The following ADAMTSL2 variants were observed in gnomAD, a reference collection of about 807,000 sequenced individuals.
ADAMTSL2 encodes ADAMTS like 2, also known as ADAMTS-like protein 2.
In ADAMTSL2, 55 loss-of-function variants were observed where a neutral mutation model predicts 117.0. The observed-to-expected ratio is 0.47, with a 90% CI of 0.38 to 0.59. The LOEUF (loss-of-function observed/expected upper bound fraction) is 0.59, where lower values mean the gene tolerates loss of function less well. Ranked by LOEUF, ADAMTSL2 falls within the 20% of genes least tolerant of loss-of-function variation. ADAMTSL2 has a pLI of 0.00. For synonymous variants in ADAMTSL2, 572 were observed against 566.4 expected, an observed-to-expected ratio of 1.01 and a Z score of -0.14; for missense variants, 1,182 against 1,354.5, an observed-to-expected ratio of 0.87 and a Z score of 2.00.
At chr9:133,565,127 G>C (rs1830935762) in intron 12 of ADAMTSL2, among the ~76,000 whole-genome samples, 1 of 152,136 alleles carries the variant, frequency 6.6e-6, no homozygotes, top group African/African-American at 2.4e-5. Context: ...GCGGCCCCCA[G>C]GCTTCATCCT....
At chr9:133,547,279 C>T in intron 9 of ADAMTSL2, 66 bp downstream of exon 9, 1 of 1,523,788 alleles carries the variant, frequency 6.6e-7, no homozygotes, top group East Asian at 2.3e-5. Flanking sequence ...AATCCAGCCA[C>T]AGGTGAGGTC....
chr9:133,553,331 T>C (rs1298289397), intron 9 of ADAMTSL2, among the ~76,000 whole-genome samples: 2 of 152,074 alleles, frequency 1.3e-5, no homozygotes, highest in Non-Finnish European at 2.9e-5. Context: ...CGCTCTCTGC[T>C]CCTTGGAGGT....
intron 12 of ADAMTSL2, among the ~76,000 whole-genome samples, chr9:133,565,751 C>A (rs1830955985): frequency 6.6e-6 from 1 of 152,134 alleles, no homozygotes; most frequent in Admixed American, 6.5e-5. Context: ...TATGGGGAAA[C>A]CGATTTCCTT....
intron 12 of ADAMTSL2, 66 bp downstream of exon 12, chr9:133,561,361 G>A: frequency 7.0e-7 from 1 of 1,433,966 alleles, no homozygotes; most frequent in Non-Finnish European, 9.6e-7. Flanking sequence ...ATGGGCTGGG[G>A]CTGTGGGGCC....
chr9:133,554,408 C>T lies in ADAMTSL2; in HGVS notation c.991C>T (p.Leu331=). The T allele has an allele frequency of 6.4e-7, 1 of 1,561,730 alleles. No individual in the cohort carries two copies. The highest frequency in any genetic ancestry group is 2.3e-5 in the East Asian group (1 of 42,724). ...CTCCATCACCTTCGAGTACACGCTGCTGCAGCCGCCACACGAGAGCCGCCC... is the reference window on the plus strand; with the variant it reads ...CTCCATCACCTTCGAGTACACGCTGTTGCAGCCGCCACACGAGAGCCGCCC... The part of the protein sequence containing the change: ...SPSITFEYTL[L]QPPHESRPQP... The change falls in exon 10 of 19, where the codon CTG becomes TTG. Residue 331 remains leucine, a synonymous_variant. Coordinates refer to ENST00000651351, the MANE Select transcript of ADAMTSL2 (RefSeq NM_014694.4). This position sits in a 1 kb window ranked among gnomAD's most constrained non-coding sequence, Gnocchi z 5.2.
rs555262449 is a variant in ADAMTSL2, at chr9:133,547,289, C to A, written c.939+76C>A. ...CCCAGAATCCAGCCACAGGTGAGGT[C>A]TTCCAGCCCGTGACGCCCCCAGGGC... On this transcript the variant is annotated intron_variant, in intron 9 of 18. Coordinates refer to ENST00000651351, the MANE Select transcript of ADAMTSL2 (RefSeq NM_014694.4). 2.0e-6 allele frequency: 3 copies of A among 1,484,580 alleles called. No homozygotes were observed. In the Admixed American group the frequency reaches 5.6e-5, roughly 28 times the overall value. 92.0% of individuals were successfully genotyped at this position (1,484,580 alleles called of 1,614,324 possible). A position where few individuals can be genotyped will look rare whatever the true frequency, so the allele number is the denominator to read the frequency against.
intron 4 of ADAMTSL2, among the ~76,000 whole-genome samples, chr9:133,538,641 C>T (rs561908403): frequency 6.6e-6 from 1 of 152,190 alleles, no homozygotes; most frequent in East Asian, 1.9e-4. Context: ...CTCACATGTG[C>T]TCAGCAATGC....
chr9:133,559,510 A>T (rs1306149545), intron 11 of ADAMTSL2, among the ~76,000 whole-genome samples: 1 of 141,548 alleles, frequency 7.1e-6, no homozygotes, highest in Non-Finnish European at 1.5e-5. Flanking sequence ...CACCCGGTGA[A>T]TTTTTTTTTT....
At chr9:133,555,522 A>T in intron 10 of ADAMTSL2, 36 bp from the exon 11 acceptor site, 1 of 1,612,668 alleles carries the variant, frequency 6.2e-7, no homozygotes, top group Non-Finnish European at 8.5e-7. Flanking sequence ...CAGGGCTCGG[A>T]TGTGCCCACG....
intron 12 of ADAMTSL2, 56 bp downstream of exon 12, chr9:133,561,351 A>C (rs1830723813): frequency 6.7e-7 from 1 of 1,486,152 alleles, no homozygotes. Context: ...TTCCATGGAC[A>C]TGGGCTGGGG....
At chr9:133,573,760 G>T (rs1831164167) in intron 17 of ADAMTSL2, 83 bp from the exon 18 acceptor site, 15 of 1,561,866 alleles carry the variant, frequency 9.6e-6, no homozygotes, top group Non-Finnish European at 1.1e-5. Context: ...GGGGAAGGGG[G>T]AGTGTGCAGG....
At position 133,570,432 on chromosome 9, in the gene ADAMTSL2, C is replaced by A; in HGVS notation, c.2517C>A (p.Leu839=). Reference sequence around the variant, plus strand: ...CGCGCAGTGGCCCCGAGTGCGGGCTCGCCAAGAAGCCTCCCGAGGAGAGCA... The same window carrying A: ...CGCGCAGTGGCCCCGAGTGCGGGCTAGCCAAGAAGCCTCCCGAGGAGAGCA... The part of the protein sequence containing the change: ...PQTRSGPECG[L]AKKPPEESTC... The change falls in exon 17 of 19, where the codon CTC becomes CTA. Residue 839 remains leucine (L), a synonymous_variant. Transcript: ENST00000651351. 6.2e-7 allele frequency: 1 copy of A among 1,606,678 alleles called. No homozygotes were observed. The highest frequency in any genetic ancestry group is 8.5e-7 in the Non-Finnish European group (1 of 1,177,244).
chr9:133,575,095 G>A lies in ADAMTSL2; in HGVS notation c.*231G>A. On this transcript the variant is annotated 3_prime_UTR_variant, in exon 19 of 19. Transcript: ENST00000651351. Reference sequence around the variant, plus strand: ...CCCCAGACAGAGCCACCCCTGCCGTGGGAACCTGTCCGTGTTCCTGCGTGG... The same window carrying A: ...CCCCAGACAGAGCCACCCCTGCCGTAGGAACCTGTCCGTGTTCCTGCGTGG... 1.7e-6 allele frequency: 1 copy of A among 575,118 alleles called. No individual in the cohort carries two copies. Among genetic ancestry groups the A allele is most frequent in the East Asian group, 2.9e-5 (1 of 34,544 alleles). The allele number at this position is 575,118 out of a possible 1,614,324, so 35.6% of individuals were successfully genotyped here. A position where few individuals can be genotyped will look rare whatever the true frequency, so the allele number is the denominator to read the frequency against.
upstream of ADAMTSL2, among the ~76,000 whole-genome samples, chr9:133,533,838 C>A (rs1829988463): frequency 6.6e-6 from 1 of 152,212 alleles, no homozygotes. Context: ...CCTCCTCCTC[C>A]CCTTTTTGGA....
intron 4 of ADAMTSL2, among the ~76,000 whole-genome samples, chr9:133,538,651 C>G (rs528972848): frequency 3.3e-5 from 5 of 152,184 alleles, no homozygotes; most frequent in Admixed American, 3.3e-4. Flanking sequence ...CTCAGCAATG[C>G]TGGGACGGGC....
At chr9:133,569,750 G>A (rs1363404807) in intron 16 of ADAMTSL2, among the ~76,000 whole-genome samples, 172 bp downstream of exon 16, 9 of 152,262 alleles carry the variant, frequency 5.9e-5, no homozygotes, top group Non-Finnish European at 1.0e-4. Flanking sequence ...TTAAAAGGTA[G>A]GAAAACACCT....
chr9:133,556,308 C>T (rs981397432), intron 11 of ADAMTSL2, among the ~76,000 whole-genome samples: 2 of 152,200 alleles, frequency 1.3e-5, no homozygotes, highest in East Asian at 3.9e-4. Flanking sequence ...CACAACCGCC[C>T]TTAGTGGTGG....
At chr9:133,549,554 T>C (rs1001162053) in intron 9 of ADAMTSL2, among the ~76,000 whole-genome samples, 3 of 151,456 alleles carry the variant, frequency 2.0e-5, no homozygotes, top group African/African-American at 7.3e-5. Context: ...TTTTTTTTTT[T>C]TTTTTTTTTA....
chr9:133,565,517 G>GC (rs1304516931), intron 12 of ADAMTSL2, among the ~76,000 whole-genome samples: 2 of 152,210 alleles, frequency 1.3e-5, no homozygotes, highest in African/African-American at 4.8e-5. Flanking sequence ...AGCAGACCTG[G>GC]CCGGGAAGCC....
Sources: allele counts gnomAD v4.1 joint callset (sites outside exome capture counted in the v4.1 genomes callset), GRCh38; gene constraint gnomAD v4.1.1; non-coding constraint Gnocchi (gnomAD v3.1); transcripts MANE v1.5; gene names NCBI Gene and HGNC (gene_info 2026-07-23, HGNC 2026-07-21).